The following MARVELD2 variants were observed in gnomAD, a reference collection of about 807,000 sequenced individuals.
The protein encoded by MARVELD2 is MARVEL domain containing 2, also known as MARVEL domain-containing protein 2.
MARVELD2 carries 49 observed loss-of-function variants against 57.6 expected under a neutral mutation model. The observed-to-expected ratio is 0.85, with a 90% CI of 0.68 to 1.08. The LOEUF is 1.08. Ranked by LOEUF, MARVELD2 falls within the 50% of genes least tolerant of loss-of-function variation. MARVELD2 has a pLI of 0.00. For synonymous variants in MARVELD2, 238 were observed against 258.8 expected (o/e 0.92, Z 0.77); for missense variants, 606 against 701.1 (o/e 0.86, Z 1.53).
rs758765481 is a variant in MARVELD2 at position 69,420,079 on chromosome 5, G to A, written c.694G>A (p.Gly232Ser). The A allele has an allele frequency of 1.2e-6, 2 of 1,614,132 alleles. No individual in the cohort carries two copies. The highest frequency in any genetic ancestry group is 3.3e-5 in the Admixed American group (2 of 60,004). Reference protein sequence around the residue: ...YNLFGYSQPYGMGGVGGLGSM... With the variant: ...YNLFGYSQPYSMGGVGGLGSM... The stretch of plus-strand genomic sequence containing the variant: ...CTTGTTTGGATATTCACAACCGTAT[G>A]GCATGGGAGGCGTTGGTGGATTGGG... The change falls in exon 2 of 7, where the codon GGC becomes AGC. Residue 232 changes from glycine to serine, a missense_variant. Gly to Ser is a moderately conservative substitution (Grantham distance 56, BLOSUM62 0). Transcript: ENST00000325631.
rs1358353359 is a variant in MARVELD2, at chr5:69,415,183, G to C, written c.-16+13G>C. On this transcript the variant is annotated intron_variant, in intron 1 of 6. Transcript: ENST00000325631. ...GGCGGCTGCGCAGGTAAGTGGGACC[G>C]GGGTGGGGCCACGTGACCGGGAGAG... The C allele has an allele frequency of 1.3e-5, 2 of 152,312 alleles. No individual in the cohort carries two copies. Among genetic ancestry groups the C allele is most frequent in the Non-Finnish European group, 2.9e-5 (2 of 68,094 alleles). The allele number at this position is 152,312 out of a possible 1,614,324, so 9.4% of individuals were successfully genotyped here.
intron 3 of MARVELD2, among the ~76,000 whole-genome samples, chr5:69,425,978 G>A (rs147477395): frequency 4.6e-5 from 7 of 151,884 alleles, no homozygotes; most frequent in African/African-American, 1.4e-4. Context: ...TCCTGACCTC[G>A]TGATCCGCCC....
intron 1 of MARVELD2, 121 bp from the exon 2 acceptor site, chr5:69,419,250 A>G: frequency 9.8e-7 from 1 of 1,020,764 alleles, no homozygotes; most frequent in Non-Finnish European, 1.5e-6. Context: ...TTTGTATATC[A>G]TAATAATTAG....
intron 5 of MARVELD2, among the ~76,000 whole-genome samples, chr5:69,437,661 G>A (rs1356898004): frequency 6.6e-6 from 1 of 151,790 alleles, no homozygotes; most frequent in East Asian, 1.9e-4. Context: ...TCCAGCCTGG[G>A]TGACAGAGTG....
Position 69,442,359 on chromosome 5 carries a change from A to C in MARVELD2, c.*705A>C, listed in dbSNP as rs1008568376. The C allele has an allele frequency of 5.9e-5, 9 of 152,164 alleles. No individual in the cohort carries two copies. The highest frequency in any genetic ancestry group is 1.2e-4 in the Non-Finnish European group (8 of 68,020). 9.4% of individuals were successfully genotyped at this position (152,164 alleles called of 1,614,324 possible). On this transcript the variant is annotated 3_prime_UTR_variant, in exon 7 of 7. Coordinates refer to ENST00000325631, the MANE Select transcript of MARVELD2 (RefSeq NM_001038603.3). Reference sequence around the variant, plus strand: ...GTGACATCTTTCAAAGGTGTCATTTATTCCCTTGAAAGGTGTTTGAATCCC... The same window carrying C: ...GTGACATCTTTCAAAGGTGTCATTTCTTCCCTTGAAAGGTGTTTGAATCCC...
intron 5 of MARVELD2, among the ~76,000 whole-genome samples, chr5:69,436,448 CACACAT>C (rs57476159): frequency 0.18 from 24,495 of 137,764 alleles, 2,215 homozygotes; most frequent in South Asian, 0.24. Flanking sequence ...CACACACACA[CACACAT>C]ATATATAAAT....
intron 5 of MARVELD2, among the ~76,000 whole-genome samples, chr5:69,435,534 AC>A (rs1040718635): frequency 1.3e-5 from 2 of 151,424 alleles, no homozygotes; most frequent in East Asian, 3.9e-4. Flanking sequence ...CAGGCAGATC[AC>A]TTGAGGTCAG....
chr5:69,444,009 T>TAAAAGAAAAAAAAAAAAAAAAA lies in MARVELD2; in HGVS notation c.*2359_*2360insGAAAAAAAAAAAAAAAAAAAAA, dbSNP rs1767398710. On this transcript the variant is annotated 3_prime_UTR_variant, in exon 7 of 7. Coordinates refer to ENST00000325631, the MANE Select transcript of MARVELD2 (RefSeq NM_001038603.3). ...TCACTTAAGAAGAGCACCAGTGCTTTAAAAAAAAAAAAAGGTAAAATATTA... is the reference window on the plus strand; with the variant it reads ...TCACTTAAGAAGAGCACCAGTGCTTTAAAAGAAAAAAAAAAAAAAAAAAAAAAAAAAAAAAGGTAAAATATTA... 3.2e-4 allele frequency: 20 copies of TAAAAGAAAAAAAAAAAAAAAAA among 62,522 alleles called. 3 individuals carry two copies. In the East Asian group the frequency reaches 0.014, roughly 43 times the overall value. The allele number at this position is 62,522 out of a possible 1,614,324, so 3.9% of individuals were successfully genotyped here.
Position 69,428,538 on chromosome 5 carries a change from A to G in MARVELD2, c.1182+3902A>G, listed in dbSNP as rs2150923048. Among the ~76,000 whole-genome samples the G allele has an allele frequency of 2.1e-4, 23 of 110,260 alleles. 10 individuals are homozygous for G. The highest frequency in any genetic ancestry group is 5.3e-4 in the East Asian group (2 of 3,758). 72.3% of individuals were successfully genotyped at this position (110,260 alleles called of 152,430 possible). ...TAAATAAATTAAGTAATTAAAATAA[A>G]TTTAAAGCAGATGAAATGTCTACAT... On this transcript the variant is annotated intron_variant, in intron 3 of 6. Transcript: ENST00000325631.
Position 69,441,714 on chromosome 5 carries a change from G to A in MARVELD2, c.*60G>A, listed in dbSNP as rs755408835. On this transcript the variant is annotated 3_prime_UTR_variant, in exon 7 of 7. Coordinates refer to ENST00000325631, the MANE Select transcript of MARVELD2 (RefSeq NM_001038603.3). Reference sequence around the variant, plus strand: ...TTTTATTTTTTTGAGATGAAGTCTCGCTCTGTTACCCAGGCTGGAATGCAG... The same window carrying A: ...TTTTATTTTTTTGAGATGAAGTCTCACTCTGTTACCCAGGCTGGAATGCAG... The A allele has an allele frequency of 6.0e-5, 74 of 1,226,256 alleles. No homozygotes were observed. Among genetic ancestry groups the A allele is most frequent in the Middle Eastern group, 2.9e-4 (1 of 3,478 alleles). The allele number at this position is 1,226,256 out of a possible 1,614,324, so 76.0% of individuals were successfully genotyped here. A position where few individuals can be genotyped will look rare whatever the true frequency, so the allele number is the denominator to read the frequency against.
intron 2 of MARVELD2, among the ~76,000 whole-genome samples, chr5:69,423,172 A>G (rs1766682080): frequency 6.6e-6 from 1 of 152,190 alleles, no homozygotes; most frequent in Non-Finnish European, 1.5e-5. Context: ...ATAGGATTAC[A>G]GGCGTGAGCC....
At chr5:69,440,387 T>G (rs1767292441) in intron 5 of MARVELD2, 63 bp from the exon 6 acceptor site, 1 of 829,454 alleles carries the variant, frequency 1.2e-6, no homozygotes, top group Admixed American at 2.0e-5. Flanking sequence ...CTCAGTGTGC[T>G]TTGAGATATG....
chr5:69,432,942 C>G lies in MARVELD2; in HGVS notation c.1352C>G (p.Thr451Arg), dbSNP rs200786635. The change falls in exon 5 of 7, where the codon ACA (threonine) becomes AGA (arginine). Residue 451 changes from threonine (T) to arginine (R), a missense_variant. Coordinates refer to ENST00000325631, the MANE Select transcript of MARVELD2 (RefSeq NM_001038603.3). ...CCTAGAAAATACCCTGTGATTCAGACAGATGATGAGCGAGAACGCTATAAA... is the reference window on the plus strand; with the variant it reads ...CCTAGAAAATACCCTGTGATTCAGAGAGATGATGAGCGAGAACGCTATAAA... ...DYVAKYPVIQ[T>R]DDERERYKAV... The G allele has an allele frequency of 8.7e-6, 14 of 1,614,176 alleles. No homozygotes were observed. The East Asian group carries it at 3.1e-4, about 36-fold the overall frequency.
Position 69,441,684 on chromosome 5 carries a change from T to C in MARVELD2, c.*30T>C, listed in dbSNP as rs549827782. ...TATTTGAAACCACTTTATTTTTTTA[T>C]TTTATTTTATTTTTTTGAGATGAAG... On this transcript the variant is annotated 3_prime_UTR_variant, in exon 7 of 7. Coordinates refer to ENST00000325631, the MANE Select transcript of MARVELD2 (RefSeq NM_001038603.3). 3 of 1,453,500 alleles carry C rather than the reference T, an allele frequency of 2.1e-6. No individual in the cohort carries two copies. The highest frequency in any genetic ancestry group is 2.9e-6 in the Non-Finnish European group (3 of 1,049,384). The allele number at this position is 1,453,500 out of a possible 1,614,324, so 90.0% of individuals were successfully genotyped here. A position where few individuals can be genotyped will look rare whatever the true frequency, so the allele number is the denominator to read the frequency against.
At chr5:69,423,254 G>T (rs1242088942) in intron 2 of MARVELD2, among the ~76,000 whole-genome samples, 1 of 152,092 alleles carries the variant, frequency 6.6e-6, no homozygotes, top group Admixed American at 6.6e-5. Flanking sequence ...TGTCGTTGTT[G>T]TTGTTGTTGA....
At chr5:69,416,707 T>C (rs1766440957) in intron 1 of MARVELD2, among the ~76,000 whole-genome samples, 1 of 152,238 alleles carries the variant, frequency 6.6e-6, no homozygotes, top group Admixed American at 6.5e-5. Context: ...AATGCTATTC[T>C]TTCTACTTTT....
At position 69,419,591 on chromosome 5, in the gene MARVELD2, C is replaced by G. The variant is rs549560339; in HGVS notation, c.206C>G (p.Pro69Arg). Reference sequence around the variant, plus strand: ...TTCTACTCAAGTGACACAGAAGAACCAGCTATAGCGCCAGATCTCAAACCA... The same window carrying G: ...TTCTACTCAAGTGACACAGAAGAACGAGCTATAGCGCCAGATCTCAAACCA... ...PDFYSSDTEEPAIAPDLKPVR... is the reference protein window; with the variant it reads ...PDFYSSDTEERAIAPDLKPVR... Residue 69 changes from proline to arginine, a missense_variant, in exon 2 of 7, where the codon CCA (proline) becomes CGA (arginine). By Grantham distance (103) the Pro-to-Arg change is moderately radical (BLOSUM62 -2). Coordinates refer to ENST00000325631, the MANE Select transcript of MARVELD2 (RefSeq NM_001038603.3). 1 of 1,614,020 alleles carries G rather than the reference C, an allele frequency of 6.2e-7. No individual in the cohort carries two copies. Among genetic ancestry groups the G allele is most frequent in the South Asian group, 1.1e-5 (1 of 91,040 alleles).
chr5:69,433,825 T>G (rs1767051147), intron 5 of MARVELD2: 1 of 152,448 alleles, frequency 6.6e-6, no homozygotes, highest in Admixed American at 6.5e-5. Context: ...GGAAAGCATT[T>G]GAGATCCTCA....
rs982492500 is a variant in MARVELD2 at position 69,443,246 on chromosome 5, T to C, written c.*1592T>C. 6.6e-6 allele frequency: 1 copy of C among 150,546 alleles called. No individual in the cohort carries two copies. The allele number at this position is 150,546 out of a possible 1,614,324, so 9.3% of individuals were successfully genotyped here. On this transcript the variant is annotated 3_prime_UTR_variant, in exon 7 of 7. Coordinates refer to ENST00000325631, the MANE Select transcript of MARVELD2 (RefSeq NM_001038603.3). The stretch of plus-strand genomic sequence containing the variant: ...GGAGTTTCGCTCTTGTTGCCCAGGC[T>C]GGAGTACAGTGGTATGATCTTGGCT...
Sources: allele counts gnomAD v4.1 joint callset (sites outside exome capture counted in the v4.1 genomes callset), GRCh38; gene constraint gnomAD v4.1.1; transcripts MANE v1.5; gene names NCBI Gene and HGNC (gene_info 2026-07-23, HGNC 2026-07-21).